JAK1: variants seen among roughly 807,000 people sequenced by gnomAD.
The protein encoded by JAK1 is tyrosine-protein kinase JAK1.
JAK1 carries 16 observed loss-of-function variants against 136.6 expected under a neutral mutation model. The ratio of observed to expected loss-of-function variants is 0.12; its 90% CI spans 0.08 to 0.18. The LOEUF is 0.18. Ranked by LOEUF, JAK1 falls within the 10% of genes least tolerant of loss-of-function variation. The probability of loss-of-function intolerance (pLI) is 1.00; values close to 1 mark genes in which losing one functional copy is unlikely to be tolerated. For missense variants in JAK1, 859 were observed against 1,450.1 expected (o/e 0.59, Z 6.62); for synonymous variants, 492 against 519.5 (o/e 0.95, Z 0.72).
intron 11 of JAK1, among the ~76,000 whole-genome samples, chr1:64,853,925 G>A (rs1490254544): frequency 3.3e-5 from 5 of 152,210 alleles, no homozygotes; most frequent in African/African-American, 1.2e-4. Context: ...CTGAGTTTCA[G>A]GAGCCTCAAC....
intron 12 of JAK1, among the ~76,000 whole-genome samples, chr1:64,849,833 A>C (rs906864888): frequency 6.6e-6 from 1 of 152,210 alleles, no homozygotes; most frequent in African/African-American, 2.4e-5. Flanking sequence ...TGGTGACTGT[A>C]ATCTCAGGAC....
intron 11 of JAK1, among the ~76,000 whole-genome samples, chr1:64,852,034 G>A (rs529001903): frequency 1.3e-5 from 2 of 152,274 alleles, no homozygotes; most frequent in African/African-American, 2.4e-5. Context: ...GCTGAGCGCC[G>A]GGTCCCTGCA....
At chr1:65,025,093 T>C (rs1646967513) in intron 2 of JAK1, among the ~76,000 whole-genome samples, 1 of 152,174 alleles carries the variant, frequency 6.6e-6, no homozygotes, top group Non-Finnish European at 1.5e-5. Context: ...AAGATGGCTA[T>C]AGCAGCTCCA....
At chr1:64,921,385 T>C (rs773132979) in intron 1 of JAK1, among the ~76,000 whole-genome samples, 2 of 152,122 alleles carry the variant, frequency 1.3e-5, no homozygotes, top group Non-Finnish European at 2.9e-5. Context: ...AGACTACTGA[T>C]AACTGAAAGC....
chr1:64,861,243 G>A (rs151042582), intron 8 of JAK1, among the ~76,000 whole-genome samples: 5 of 152,228 alleles, frequency 3.3e-5, no homozygotes, highest in Middle Eastern at 6.8e-3. Context: ...TGAAACTCCC[G>A]GATTTTAATC....
intron 1 of JAK1, among the ~76,000 whole-genome samples, chr1:64,897,847 T>C (rs1187056220): frequency 1.3e-5 from 2 of 152,106 alleles, no homozygotes; most frequent in African/African-American, 2.4e-5. Context: ...GGGAAAGGCA[T>C]GGGCATAGGA....
chr1:64,868,739 G>GA (rs1243615826), intron 6 of JAK1, among the ~76,000 whole-genome samples: 1 of 151,958 alleles, frequency 6.6e-6, no homozygotes, highest in Non-Finnish European at 1.5e-5. Flanking sequence ...GCCCACTGGT[G>GA]AAAAAAAACT....
chr1:65,012,032 T>C (rs552943382), intron 2 of JAK1, among the ~76,000 whole-genome samples: 1 of 152,172 alleles, frequency 6.6e-6, no homozygotes, highest in Non-Finnish European at 1.5e-5. Context: ...GCCTGTTAGC[T>C]CCTGTGTGGT....
chr1:64,869,975 C>T (rs1240336353), intron 5 of JAK1, among the ~76,000 whole-genome samples: 1 of 152,178 alleles, frequency 6.6e-6, no homozygotes, highest in Non-Finnish European at 1.5e-5. Flanking sequence ...TTTCCCACAT[C>T]TACCGTTCGA....
chr1:64,868,767 G>A (rs956462397), intron 6 of JAK1, among the ~76,000 whole-genome samples: 14 of 152,186 alleles, frequency 9.2e-5, no homozygotes, highest in Admixed American at 5.9e-4. Context: ...GTCATAGATG[G>A]ACAGAACTTA....
At chr1:65,053,794 C>A (rs952167424) in intron 1 of JAK1, among the ~76,000 whole-genome samples, 3 of 152,206 alleles carry the variant, frequency 2.0e-5, no homozygotes, top group Non-Finnish European at 4.4e-5. Flanking sequence ...GCACTCTAAG[C>A]CTGAGCTATG....
chr1:64,838,714 T>G, intron 20 of JAK1, 125 bp from the exon 21 acceptor site: 1 of 861,456 alleles, frequency 1.2e-6, no homozygotes, highest in Non-Finnish European at 1.8e-6. Flanking sequence ...ATTACAGGCA[T>G]GTTACTTGAC....
intron 24 of JAK1, 104 bp downstream of exon 24, chr1:64,835,292 C>T: frequency 3.3e-6 from 2 of 607,434 alleles, no homozygotes; most frequent in Non-Finnish European, 5.8e-6. Context: ...AAGGACTTCA[C>T]TGCATCATTT....
At chr1:64,913,683 G>GGAAGGAAGGAAA (rs1391009220) in intron 1 of JAK1, among the ~76,000 whole-genome samples, 28 of 38,088 alleles carry the variant, frequency 7.4e-4, no homozygotes, top group Non-Finnish European at 1.3e-3. Context: ...AAGGAAGGAA[G>GGAAGGAAGGAAA]GAAGGAAGGA....
intron 2 of JAK1, among the ~76,000 whole-genome samples, chr1:64,978,148 C>T (rs934078512): frequency 3.9e-5 from 6 of 151,922 alleles, no homozygotes; most frequent in Admixed American, 6.6e-5. Flanking sequence ...CGTGGTGGTG[C>T]GCGCCTGTAG....
At chr1:64,951,705 C>G (rs537519054) in intron 1 of JAK1, among the ~76,000 whole-genome samples, 1 of 120,734 alleles carries the variant, frequency 8.3e-6, no homozygotes, top group South Asian at 2.9e-4. Flanking sequence ...GTCGCCCAGG[C>G]TGGAGTGCAG....
chr1:65,046,211 A>G (rs1295925909), intron 1 of JAK1, among the ~76,000 whole-genome samples: 2 of 152,192 alleles, frequency 1.3e-5, no homozygotes, highest in East Asian at 1.9e-4. Flanking sequence ...TCTTCCCACT[A>G]GAGTTCAACA....
At chr1:64,883,499 T>C (rs1440776598) in intron 2 of JAK1, 24 bp from the exon 3 acceptor site, 3 of 1,596,368 alleles carry the variant, frequency 1.9e-6, no homozygotes, top group Non-Finnish European at 2.6e-6. Context: ...AAAACAAGAC[T>C]ATGTGGTCAC....
chr1:65,054,080 T>C (rs7549445), intron 1 of JAK1, among the ~76,000 whole-genome samples: 100,943 of 151,918 alleles, frequency 0.66, 34,815 homozygotes, highest in Non-Finnish European at 0.76. Context: ...AGTGAGGACT[T>C]TGTGATGAAA....
Sources: allele counts gnomAD v4.1 joint callset (sites outside exome capture counted in the v4.1 genomes callset), GRCh38; gene constraint gnomAD v4.1.1; transcripts MANE v1.5; gene names NCBI Gene and HGNC (gene_info 2026-07-23, HGNC 2026-07-21).